CEP152: variants seen among roughly 807,000 people sequenced by gnomAD.
The protein encoded by CEP152 is centrosomal protein of 152 kDa.
A neutral mutation model predicts 188.9 loss-of-function variants in CEP152; 132 were observed. The ratio of observed to expected loss-of-function variants is 0.70; its 90% CI spans 0.61 to 0.81. CEP152 has a LOEUF of 0.81. CEP152 is among the 30% of genes least tolerant of loss of function. The pLI, the probability that CEP152 is intolerant of heterozygous loss-of-function variation, is 0.00. For missense variants in CEP152, 1,914 were observed against 1,969.8 expected (o/e 0.97, Z 0.54); for synonymous variants, 649 against 666.6 (o/e 0.97, Z 0.41).
intron 20 of CEP152, among the ~76,000 whole-genome samples, chr15:48,755,034 C>A (rs917866718): frequency 6.6e-6 from 1 of 150,754 alleles, no homozygotes; most frequent in African/African-American, 2.4e-5. Flanking sequence ...TTTTTTCCTG[C>A]CTCTAATCCC....
chr15:48,797,172 C>T, intron 5 of CEP152, 129 bp downstream of exon 5: 1 of 990,558 alleles, frequency 1.0e-6, no homozygotes, highest in Non-Finnish European at 1.6e-6. Flanking sequence ...TGAATAAGTG[C>T]CCTCTCAGAA....
At chr15:48,801,919 C>A (rs113767230) in intron 2 of CEP152, among the ~76,000 whole-genome samples, 118 of 152,198 alleles carry the variant, frequency 7.8e-4, no homozygotes, top group African/African-American at 2.7e-3. Flanking sequence ...CATGGCAAAA[C>A]CCTGTCTCTA....
chr15:48,767,398 G>A lies in CEP152; in HGVS notation c.2084C>T (p.Ala695Val). 8.1e-6 allele frequency: 13 copies of A among 1,614,126 alleles called. No homozygotes were observed. The highest frequency in any genetic ancestry group is 1.1e-5 in the Non-Finnish European group (13 of 1,180,014). Reference sequence around the variant, plus strand: ...CTGCTGCTTCTCCAAAGCATGCTTTGCTAATAGGCTTTCACGTATTTGAGT... The same window carrying A: ...CTGCTGCTTCTCCAAAGCATGCTTTACTAATAGGCTTTCACGTATTTGAGT... ...MKTQIRESLL[A>V]KHALEKQQLF... Residue 695 changes from alanine (A) to valine (V), a missense_variant, in exon 16 of 27, where the codon GCA becomes GTA. Physicochemically the swap from Ala to Val is moderately conservative, Grantham distance 64 (BLOSUM62 0). Transcript: ENST00000380950.
At chr15:48,778,960 A>AG (rs1896089679) in intron 12 of CEP152, among the ~76,000 whole-genome samples, 1 of 152,130 alleles carries the variant, frequency 6.6e-6, no homozygotes, top group Non-Finnish European at 1.5e-5. Flanking sequence ...AAAAAAAAAA[A>AG]AAAAGATGAA....
chr15:48,742,025 C>A lies in CEP152; in HGVS notation c.3911G>T (p.Arg1304Leu). 1 of 1,614,132 alleles carries A rather than the reference C, an allele frequency of 6.2e-7. No individual in the cohort carries two copies. Residue 1304 changes from arginine to leucine, a missense_variant, in exon 25 of 27, where the codon CGT becomes CTT. By Grantham distance (102) the Arg-to-Leu change is moderately radical (BLOSUM62 -2). Transcript: ENST00000380950. The part of the protein sequence containing the change: ...EMVKAEVLRE[R>L]QETARKMRKY... ...GCGCATCTTTCGGGCGGTTTCTTGA[C>A]GTTCTCGCAGTACCTCTGCTTTTAC...
chr15:48,791,918 T>C (rs1241039089), intron 7 of CEP152, among the ~76,000 whole-genome samples: 1 of 152,162 alleles, frequency 6.6e-6, no homozygotes, highest in Non-Finnish European at 1.5e-5. Flanking sequence ...TTAAAACTAT[T>C]ATTGCATCCC....
At chr15:48,735,628 G>A (rs538419709), downstream of CEP152, among the ~76,000 whole-genome samples, 2 of 152,090 alleles carry the variant, frequency 1.3e-5, no homozygotes, top group African/African-American at 2.4e-5. Context: ...CCAGCTACTC[G>A]GGAGGCTGAG....
At chr15:48,775,745 A>G (rs1289998110) in intron 12 of CEP152, among the ~76,000 whole-genome samples, 1 of 152,088 alleles carries the variant, frequency 6.6e-6, no homozygotes, top group Non-Finnish European at 1.5e-5. Flanking sequence ...GGAGGCAGGA[A>G]GAGGTAATGG....
chr15:48,802,297 T>C (rs1409960769), intron 2 of CEP152, among the ~76,000 whole-genome samples: 1 of 152,206 alleles, frequency 6.6e-6, no homozygotes, highest in Non-Finnish European at 1.5e-5. Flanking sequence ...GGACAAGTAT[T>C]ACCAGCAGCT....
intron 15 of CEP152, 115 bp from the exon 16 acceptor site, chr15:48,767,578 C>T (rs1895221806): frequency 3.6e-6 from 5 of 1,394,418 alleles, no homozygotes. Flanking sequence ...TAATTGAGGT[C>T]AGATAACTTT....
At chr15:48,771,821 A>G (rs1895550429) in intron 13 of CEP152, among the ~76,000 whole-genome samples, 1 of 152,256 alleles carries the variant, frequency 6.6e-6, no homozygotes, top group Non-Finnish European at 1.5e-5. Context: ...AATAGCCAAC[A>G]GTTATGCAAA....
intron 26 of CEP152, among the ~76,000 whole-genome samples, chr15:48,740,131 C>T (rs1039938624): frequency 1.3e-5 from 2 of 152,156 alleles, no homozygotes; most frequent in African/African-American, 4.8e-5. Context: ...TCATGTATTT[C>T]TATCAGCTCT....
intron 17 of CEP152, 137 bp downstream of exon 17, chr15:48,766,923 G>T: frequency 1.8e-6 from 2 of 1,105,514 alleles, no homozygotes; most frequent in Non-Finnish European, 2.7e-6. Context: ...CTATATGAGT[G>T]TGATACAGCC....
At chr15:48,789,251 A>G in intron 8 of CEP152, 1 of 528,858 alleles carries the variant, frequency 1.9e-6, no homozygotes, top group Non-Finnish European at 3.4e-6. Flanking sequence ...AGGGGAGTGA[A>G]AGAGGATTTT....
Position 48,791,234 on chromosome 15 carries a change from T to G in CEP152, c.972+3A>C. ...TTTACCATACATAAGTTAAAATAGG[T>G]ACCTGTTCTTCATTGACTTTTAATG... On this transcript the variant is annotated splice_donor_region_variant and intron_variant, in intron 8 of 26. Transcript: ENST00000380950. 1 of 1,610,266 alleles carries G rather than the reference T, an allele frequency of 6.2e-7. No individual in the cohort carries two copies.
At chr15:48,760,819 C>CT (rs1454850744) in intron 18 of CEP152, among the ~76,000 whole-genome samples, 2 of 152,102 alleles carry the variant, frequency 1.3e-5, no homozygotes, top group African/African-American at 4.8e-5. Flanking sequence ...GGTTGTAAAT[C>CT]TGCCACTAGT....
At chr15:48,807,242 T>G (rs1179106730) in intron 1 of CEP152, among the ~76,000 whole-genome samples, 2 of 152,214 alleles carry the variant, frequency 1.3e-5, no homozygotes, top group Admixed American at 1.3e-4. Flanking sequence ...AGAATCCTTT[T>G]GTATGTCAAC....
Position 48,797,544 on chromosome 15 carries a change from TTC to T in CEP152, c.295_296del (p.Glu99LysfsTer4). ...TTTCTTCCCAGACATTACCACATTTTTCTCCAGCATATAAACTCTGAATTTCA... is the reference window on the plus strand; with the variant it reads ...TTTCTTCCCAGACATTACCACATTTTTCCAGCATATAAACTCTGAATTTCA... Reference protein sequence around the residue: ...YNEIQSLYAGEKCGNVWEENR... With the variant: ...YNEIQSLYAGXKCGNVWEENR... On this transcript the variant is annotated frameshift_variant, in exon 5 of 27. Coordinates refer to ENST00000380950, the MANE Select transcript of CEP152 (RefSeq NM_001194998.2). LOFTEE classifies it high-confidence loss of function. 1 of 1,614,142 alleles carries T rather than the reference TTC, an allele frequency of 6.2e-7. No homozygotes were observed. The highest frequency in any genetic ancestry group is 2.2e-5 in the East Asian group (1 of 44,872).
At chr15:48,782,033 G>T (rs1896282051) in intron 11 of CEP152, 106 bp downstream of exon 11, 1 of 986,804 alleles carries the variant, frequency 1.0e-6, no homozygotes, top group Non-Finnish European at 1.6e-6. Context: ...GTTTGAAGGT[G>T]GTCCAACCAC....
Sources: gnomAD v4.1 joint callset for allele counts (sites outside exome capture counted in the v4.1 genomes callset) on GRCh38, gnomAD v4.1.1 for gene constraint, MANE v1.5 for transcripts, NCBI Gene and HGNC (gene_info 2026-07-23, HGNC 2026-07-21) for gene names.